The following GSDME variants were observed in gnomAD, a reference collection of about 807,000 sequenced individuals.
The protein encoded by GSDME is gasdermin E.
GSDME carries 44 observed loss-of-function variants against 47.5 expected under a neutral mutation model. The ratio of observed to expected loss-of-function variants is 0.93; its 90% CI spans 0.73 to 1.19. The LOEUF (loss-of-function observed/expected upper bound fraction) is 1.19, where lower values mean the gene tolerates loss of function less well. GSDME is among the 50% of genes most tolerant of loss of function. GSDME has a pLI of 0.00. For synonymous variants in GSDME, 258 were observed against 252.8 expected (o/e 1.02, Z -0.20); for missense variants, 663 against 604.2 (o/e 1.10, Z -1.02).
chr7:24,787,341 A>T, the GSDME span, among the ~76,000 whole-genome samples: 1 of 152,218 alleles, frequency 6.6e-6, no homozygotes, highest in Admixed American at 6.5e-5. The surrounding 1 kb of genome is among the most constrained non-coding windows in gnomAD (Gnocchi z 5.0). Flanking sequence ...AAAGAAGCAC[A>T]TCGTTGTAAA....
chr7:24,744,887 C>T lies in GSDME; in HGVS notation c.212-133G>A. 2 of 935,966 alleles carry T rather than the reference C, an allele frequency of 2.1e-6. No homozygotes were observed. Among genetic ancestry groups the T allele is most frequent in the Non-Finnish European group, 3.3e-6 (2 of 601,922 alleles). 58.0% of individuals were successfully genotyped at this position (935,966 alleles called of 1,614,324 possible). A position where few individuals can be genotyped will look rare whatever the true frequency, so the allele number is the denominator to read the frequency against. ...TGGCACTCAGATGGAAAGCCGGCAG[C>T]CATGCTGTGTGTGTGGGCAAGAAAA... On this transcript the variant is annotated intron_variant, in intron 2 of 9. Coordinates refer to ENST00000645220, the MANE Select transcript of GSDME (RefSeq NM_001127453.2). This position sits in a 1 kb window ranked among gnomAD's most constrained non-coding sequence, Gnocchi z 4.5.
At chr7:24,713,043 C>T (rs532324971) in intron 5 of GSDME, among the ~76,000 whole-genome samples, 22 of 150,722 alleles carry the variant, frequency 1.5e-4, no homozygotes, top group South Asian at 1.1e-3. Flanking sequence ...GGGAAAAGCA[C>T]GCAACTTTAC....
chr7:24,762,508 AC>A (rs1791182426), upstream of GSDME, among the ~76,000 whole-genome samples: 2 of 152,148 alleles, frequency 1.3e-5, no homozygotes, highest in Admixed American at 6.5e-5. Context: ...GGTGAGCTAT[AC>A]CCAGCATAGA....
intron 8 of GSDME, chr7:24,703,244 T>C: frequency 3.0e-6 from 1 of 334,838 alleles, no homozygotes; most frequent in Non-Finnish European, 5.8e-6. Flanking sequence ...TCATTTACCA[T>C]AGTTGTTTTG....
chr7:24,765,273 T>A, the GSDME span, among the ~76,000 whole-genome samples: 1 of 152,224 alleles, frequency 6.6e-6, no homozygotes, highest in Admixed American at 6.5e-5. Flanking sequence ...TCGATACGGA[T>A]CCTTTCTTGT....
chr7:24,772,438 G>T, the GSDME span, among the ~76,000 whole-genome samples: 1 of 152,158 alleles, frequency 6.6e-6, no homozygotes, highest in Non-Finnish European at 1.5e-5. The surrounding 1 kb of genome is among the most constrained non-coding windows in gnomAD (Gnocchi z 4.5). Context: ...TTTTATGTAG[G>T]TTCCATAAAG....
At chr7:24,789,581 A>T in the GSDME span, among the ~76,000 whole-genome samples, 1 of 152,352 alleles carries the variant, frequency 6.6e-6, no homozygotes, top group African/African-American at 2.4e-5. Context: ...GAATCTATAG[A>T]TAACAGAAGC....
At chr7:24,755,213 A>T (rs1790977013) in intron 1 of GSDME, among the ~76,000 whole-genome samples, 1 of 152,220 alleles carries the variant, frequency 6.6e-6, no homozygotes, top group African/African-American at 2.4e-5. Flanking sequence ...TTGTCATGAT[A>T]AATCAACATG....
chr7:24,794,183 CCTCT>C, the GSDME span, among the ~76,000 whole-genome samples: 6,849 of 149,514 alleles, frequency 0.046, 339 homozygotes, highest in East Asian at 0.12. Context: ...TCTGTCTCTT[CCTCT>C]CTCTCTCTGC....
intron 6 of GSDME, among the ~76,000 whole-genome samples, chr7:24,709,094 G>A (rs1488909586): frequency 2.6e-5 from 4 of 152,184 alleles, no homozygotes; most frequent in Non-Finnish European, 5.9e-5. Flanking sequence ...GAGGAACACA[G>A]AACATCAGTA....
At position 24,716,263 on chromosome 7, in the gene GSDME, TC is replaced by T. The variant is rs1789549355; in HGVS notation, c.697+990del. Among the ~76,000 whole-genome samples the T allele has an allele frequency of 6.6e-6, 1 of 152,096 alleles. No homozygotes were observed. Among genetic ancestry groups the T allele is most frequent in the African/African-American group, 2.4e-5 (1 of 41,404 alleles). The stretch of plus-strand genomic sequence containing the variant: ...GCCCATCAGCCAGCTTCAGCCACTG[TC>T]CCCTCTCAGCCAAGCCTCCTTCCCT... On this transcript the variant is annotated intron_variant, in intron 5 of 9. Coordinates refer to ENST00000645220, the MANE Select transcript of GSDME (RefSeq NM_001127453.2). The surrounding 1 kb of genome is among the most constrained non-coding windows in gnomAD (Gnocchi z 4.5).
chr7:24,784,919 G>A, the GSDME span, among the ~76,000 whole-genome samples: 1 of 152,054 alleles, frequency 6.6e-6, no homozygotes, highest in Non-Finnish European at 1.5e-5. Context: ...CTGAGGGTGA[G>A]TCTTCCTCTC....
At chr7:24,760,359 C>A (rs370640139), upstream of GSDME, among the ~76,000 whole-genome samples, 14 of 152,288 alleles carry the variant, frequency 9.2e-5, 1 homozygote, top group Admixed American at 7.2e-4. This position sits in a 1 kb window ranked among gnomAD's most constrained non-coding sequence, Gnocchi z 4.2. Context: ...ATTTGGAGAC[C>A]TGGACGCTTT....
At chr7:24,782,687 T>C in the GSDME span, among the ~76,000 whole-genome samples, 166 of 152,336 alleles carry the variant, frequency 1.1e-3, 1 homozygote, top group Non-Finnish European at 1.1e-3. Flanking sequence ...CCACCAACAG[T>C]GTAAAACTGT....
At chr7:24,704,775 C>A (rs1789026381) in intron 8 of GSDME, 1 of 151,776 alleles carries the variant, frequency 6.6e-6, no homozygotes, top group African/African-American at 2.4e-5. Context: ...TTCACTGCAT[C>A]CTTGAATTCC....
chr7:24,767,613 T>A, the GSDME span, among the ~76,000 whole-genome samples: 1 of 139,568 alleles, frequency 7.2e-6, no homozygotes, highest in South Asian at 2.6e-4. This position sits in a 1 kb window ranked among gnomAD's most constrained non-coding sequence, Gnocchi z 5.3. Flanking sequence ...AATGGAGTTG[T>A]AGAACCTTTT....
rs577189444 is a variant in GSDME, at chr7:24,756,305, G to A, written c.-20+1091C>T. On this transcript the variant is annotated intron_variant, in intron 1 of 9. Coordinates refer to ENST00000645220, the MANE Select transcript of GSDME (RefSeq NM_001127453.2). This position sits in a 1 kb window ranked among gnomAD's most constrained non-coding sequence, Gnocchi z 4.2. ...GAGCCCAGGAATTCAAGGCTGCAGT[G>A]AGCTAGGATAGTGCCACTGCACTCC... is the stretch of plus-strand genomic sequence containing the variant. Among the ~76,000 whole-genome samples the A allele has an allele frequency of 6.6e-6, 1 of 152,294 alleles. No homozygotes were observed. The highest frequency in any genetic ancestry group is 1.9e-4 in the East Asian group (1 of 5,172).
At chr7:24,702,603 G>C in intron 9 of GSDME, 157 bp downstream of exon 9, 1 of 653,208 alleles carries the variant, frequency 1.5e-6, no homozygotes, top group Non-Finnish European at 2.9e-6. Context: ...GGGGTGGGAT[G>C]TGTATAAAAG....
At chr7:24,718,120 C>T (rs1198490907) in intron 4 of GSDME, among the ~76,000 whole-genome samples, 1 of 152,256 alleles carries the variant, frequency 6.6e-6, no homozygotes, top group Non-Finnish European at 1.5e-5. Context: ...GTGACTGTGG[C>T]AGGAGCACCA....
Sources: allele counts gnomAD v4.1 joint callset (sites outside exome capture counted in the v4.1 genomes callset), GRCh38; gene constraint gnomAD v4.1.1; non-coding constraint Gnocchi (gnomAD v3.1); transcripts MANE v1.5; gene names NCBI Gene and HGNC (gene_info 2026-07-23, HGNC 2026-07-21).